ABCA8: variants seen among roughly 807,000 people sequenced by gnomAD.
The protein encoded by ABCA8 is ATP binding cassette subfamily A member 8, also known as ABC-type organic anion transporter ABCA8.
ABCA8 carries 177 observed loss-of-function variants against 192.3 expected under a neutral mutation model. The ratio of observed to expected loss-of-function variants is 0.92; its 90% CI spans 0.81 to 1.04. The LOEUF is 1.04. Among genes scored for constraint, ABCA8 ranks in the 50% least tolerant of loss-of-function variants. ABCA8 has a pLI of 0.00. For missense variants in ABCA8, 1,915 were observed against 1,904.8 expected (o/e 1.01, Z -0.10); for synonymous variants, 642 against 690.2 (o/e 0.93, Z 1.09).
intron 4 of ABCA8, among the ~76,000 whole-genome samples, chr17:68,937,744 T>A (rs2068108429): frequency 6.6e-6 from 1 of 152,108 alleles, no homozygotes; most frequent in South Asian, 2.1e-4. Context: ...GCAAGAAGTA[T>A]GTATTTTGAT....
chr17:68,929,210 T>C lies in ABCA8; in HGVS notation c.964A>G (p.Ile322Val), dbSNP rs1412954571. The change falls in exon 9 of 40, where the codon ATC (isoleucine) becomes GTC (valine). Residue 322 changes from isoleucine to valine, a missense_variant. Ile to Val is a conservative substitution (Grantham distance 29). Transcript: ENST00000586539. ...GTGAGGAAAGATTTCTTTACCAAGA[T>C]GCTCATTAAGAAAGCCAAAGCTACC... ...SLVALAFLMS[I>V]LVKKSFLTGL... is the part of the protein sequence containing the mutation. The C allele has an allele frequency of 1.9e-6, 3 of 1,601,922 alleles. No homozygotes were observed. The highest frequency in any genetic ancestry group is 1.7e-4 in the Middle Eastern group (1 of 6,018).
intron 21 of ABCA8, 72 bp from the exon 22 acceptor site, chr17:68,895,085 C>T: frequency 7.5e-7 from 1 of 1,333,268 alleles, no homozygotes; most frequent in Non-Finnish European, 1.0e-6. Context: ...AGTCAAATTA[C>T]AGTTAATGTC....
Position 68,928,077 on chromosome 17 carries a change from A to T in ABCA8, c.1126-14T>A. 1.3e-6 allele frequency: 2 copies of T among 1,565,340 alleles called. No homozygotes were observed. Among genetic ancestry groups the T allele is most frequent in the African/African-American group, 1.4e-5 (1 of 72,586 alleles). On this transcript the variant is annotated splice_polypyrimidine_tract_variant and intron_variant, in intron 9 of 39. Coordinates refer to ENST00000586539, the MANE Select transcript of ABCA8 (RefSeq NM_001288985.2). ...CAAGTGTAAAAGCTGAAAATTAAAA[A>T]GTAATTAATTAAGGGAAATTAGGTA...
At chr17:68,948,592 G>GT (rs565290255) in intron 2 of ABCA8, among the ~76,000 whole-genome samples, 66 of 152,034 alleles carry the variant, frequency 4.3e-4, no homozygotes, top group Non-Finnish European at 8.1e-4. Flanking sequence ...TGATGGGATT[G>GT]TTTTTTTCTT....
chr17:68,954,508 T>C (rs1312533574), intron 1 of ABCA8, among the ~76,000 whole-genome samples: 1 of 152,196 alleles, frequency 6.6e-6, no homozygotes, highest in African/African-American at 2.4e-5. Context: ...ATATGGCAAA[T>C]AGTCTCAAAT....
chr17:68,954,953 T>C (rs4147945), intron 1 of ABCA8, among the ~76,000 whole-genome samples: 69,903 of 152,042 alleles, frequency 0.46, 16,705 homozygotes, highest in East Asian at 0.68. Flanking sequence ...CACTCAGTTA[T>C]GTTTAAAACA....
intron 14 of ABCA8, among the ~76,000 whole-genome samples, chr17:68,918,879 G>A (rs975862271): frequency 2.7e-5 from 4 of 148,438 alleles, no homozygotes; most frequent in Admixed American, 1.3e-4. Context: ...ACAGTGAGCC[G>A]GCATAGGGCC....
chr17:68,886,740 T>A (rs2066470223), intron 26 of ABCA8: 1 of 182,294 alleles, frequency 5.5e-6, no homozygotes, highest in African/African-American at 2.4e-5. Context: ...ACTTACCTTT[T>A]GGCATCCTGA....
At chr17:68,941,040 GC>G in intron 3 of ABCA8, 78 bp from the exon 4 acceptor site, 1 of 1,224,820 alleles carries the variant, frequency 8.2e-7, no homozygotes, top group African/African-American at 1.5e-5. Context: ...CATAAAGTTT[GC>G]CTCTTTTTTA....
At chr17:68,876,255 A>T in intron 35 of ABCA8, 1 of 643,446 alleles carries the variant, frequency 1.6e-6, no homozygotes, top group Non-Finnish European at 2.6e-6. Flanking sequence ...TAACAATGGT[A>T]ATTCTTTCTT....
rs60957466 is a variant in ABCA8 at position 68,911,734 on chromosome 17, T to TACACACACACACACACACAC, written c.2139-3875_2139-3856dup. 6.9e-6 allele frequency among the ~76,000 whole-genome samples: 1 copy of TACACACACACACACACACAC among 143,980 alleles called. No homozygotes were observed. The highest frequency in any genetic ancestry group is 2.6e-5 in the African/African-American group (1 of 39,090). 94.5% of individuals were successfully genotyped at this position (143,980 alleles called of 152,430 possible). A position where few individuals can be genotyped will look rare whatever the true frequency, so the allele number is the denominator to read the frequency against. Reference sequence around the variant, plus strand: ...CCTCTGCCAGCTCCAGACAGCTCAATACACACACACACACACACACACACA... The same window carrying TACACACACACACACACACAC: ...CCTCTGCCAGCTCCAGACAGCTCAATACACACACACACACACACACACACACACACACACACACACACACA... On this transcript the variant is annotated intron_variant, in intron 17 of 39. Transcript: ENST00000586539. This position sits in a 1 kb window ranked among gnomAD's most constrained non-coding sequence, Gnocchi z 5.7.
chr17:68,908,001 G>A, intron 17 of ABCA8, 122 bp from the exon 18 acceptor site: 1 of 947,868 alleles, frequency 1.1e-6, no homozygotes, highest in Non-Finnish European at 1.4e-6. Context: ...CCAGAAATAG[G>A]TCAGACAAAC....
intron 2 of ABCA8, among the ~76,000 whole-genome samples, chr17:68,945,954 C>G (rs1402826998): frequency 1.3e-5 from 2 of 151,996 alleles, no homozygotes; most frequent in Non-Finnish European, 2.9e-5. Flanking sequence ...TTCATAAATT[C>G]TAGAACAGGT....
chr17:68,925,264 A>C (rs2067667250), intron 10 of ABCA8, among the ~76,000 whole-genome samples: 1 of 152,362 alleles, frequency 6.6e-6, no homozygotes, highest in East Asian at 1.9e-4. Context: ...ATACCTTTAA[A>C]AAAAATCCAA....
At chr17:68,897,539 A>G (rs1333634741) in intron 21 of ABCA8, among the ~76,000 whole-genome samples, 1 of 152,254 alleles carries the variant, frequency 6.6e-6, no homozygotes, top group East Asian at 1.9e-4. Flanking sequence ...CCTAAAAAAC[A>G]AAGACTTCAA....
intron 21 of ABCA8, among the ~76,000 whole-genome samples, chr17:68,898,301 T>A (rs898862574): frequency 6.6e-6 from 1 of 152,140 alleles, no homozygotes; most frequent in Admixed American, 6.5e-5. Flanking sequence ...AGCCCAGACT[T>A]CACCACTACA....
In ABCA8 at chr17:68,867,994, TATA is replaced by T; in HGVS notation, c.*88_*90del. ...CGGAGAACCATTTCTGTACTTATAA[TATA>T]GTTTCTAAAAATAGAACATTGCTGC... is the stretch of plus-strand genomic sequence containing the variant. On this transcript the variant is annotated 3_prime_UTR_variant, in exon 40 of 40. Coordinates refer to ENST00000586539, the MANE Select transcript of ABCA8 (RefSeq NM_001288985.2). The T allele has an allele frequency of 1.0e-6, 1 of 971,560 alleles. No homozygotes were observed. Among genetic ancestry groups the T allele is most frequent in the Non-Finnish European group, 1.5e-6 (1 of 661,324 alleles). 60.2% of individuals were successfully genotyped at this position (971,560 alleles called of 1,614,324 possible). A position where few individuals can be genotyped will look rare whatever the true frequency, so the allele number is the denominator to read the frequency against.
In ABCA8 at chr17:68,937,095, G is replaced by A; in HGVS notation, c.322C>T (p.Pro108Ser). 6.2e-7 allele frequency: 1 copy of A among 1,606,054 alleles called. No individual in the cohort carries two copies. Among genetic ancestry groups the A allele is most frequent in the East Asian group, 2.3e-5 (1 of 44,236 alleles). The change falls in exon 5 of 40, where the codon CCA becomes TCA. Residue 108 changes from proline (P) to serine (S), a missense_variant. Physicochemically the swap from Pro to Ser is moderately conservative, Grantham distance 74. Coordinates refer to ENST00000586539, the MANE Select transcript of ABCA8 (RefSeq NM_001288985.2). ...AATTCTTTAATACTTTCCTCATCTG[G>A]CAGTCCCAAGACCTCTTTACCTTTT... is the stretch of plus-strand genomic sequence containing the variant. ...FLAGKEVLGL[P>S]DEESIKEFTA...
Position 68,894,234 on chromosome 17 carries a change from C to A in ABCA8, c.2975G>T (p.Gly992Val), listed in dbSNP as rs2066691148. Reference sequence around the variant, plus strand: ...TGATGGTTTAACCATTCCAAGTAGCCCATTACTAACAATGTCCATAAGAAC... The same window carrying A: ...TGATGGTTTAACCATTCCAAGTAGCACATTACTAACAATGTCCATAAGAAC... ...FPVLMDIVSNGLLGMVKPSVH... is the reference protein window; with the variant it reads ...FPVLMDIVSNVLLGMVKPSVH... Residue 992 changes from glycine (G) to valine (V), a missense_variant, in exon 23 of 40, where the codon GGG becomes GTG. Physicochemically the swap from Gly to Val is moderately radical, Grantham distance 109. Transcript: ENST00000586539. 6.2e-7 allele frequency: 1 copy of A among 1,613,140 alleles called. No individual in the cohort carries two copies. The highest frequency in any genetic ancestry group is 1.7e-5 in the Admixed American group (1 of 59,966).
Sources: allele counts gnomAD v4.1 joint callset (sites outside exome capture counted in the v4.1 genomes callset), GRCh38; gene constraint gnomAD v4.1.1; non-coding constraint Gnocchi (gnomAD v3.1); transcripts MANE v1.5; gene names NCBI Gene and HGNC (gene_info 2026-07-23, HGNC 2026-07-21).